The following GABRB3 variants were observed in gnomAD, a reference collection of about 807,000 sequenced individuals.
GABRB3 encodes the protein gamma-aminobutyric acid receptor subunit beta-3.
In GABRB3, 14 loss-of-function variants were observed where a neutral mutation model predicts 52.1. The observed-to-expected ratio is 0.27, with a 90% confidence interval of 0.18 to 0.42. The LOEUF is 0.42. Among genes scored for constraint, GABRB3 ranks in the 10% least tolerant of loss-of-function variants. The pLI is 1.00. For missense variants in GABRB3, 307 were observed against 609.1 expected (o/e 0.50, Z 5.22); for synonymous variants, 260 against 232.3 (o/e 1.12, Z -1.08).
intron 3 of GABRB3, among the ~76,000 whole-genome samples, chr15:26,740,451 C>G (rs1227623485): frequency 6.6e-6 from 1 of 152,016 alleles, no homozygotes; most frequent in African/African-American, 2.4e-5. Flanking sequence ...CAGTGAGGAC[C>G]TGGGGACTGG....
chr15:26,608,102 C>CAAAAAAAAAAAAAAA (rs60028329), intron 4 of GABRB3, among the ~76,000 whole-genome samples: 1 of 120,344 alleles, frequency 8.3e-6, no homozygotes. Context: ...ATGGTACTGG[C>CAAAAAAAAAAAAAAA]AAAAAAAAAA....
At chr15:26,633,314 C>G (rs1892958132) in intron 3 of GABRB3, among the ~76,000 whole-genome samples, 2 of 152,156 alleles carry the variant, frequency 1.3e-5, no homozygotes, top group South Asian at 4.1e-4. Context: ...GAAACCACCA[C>G]CAGCCATCCT....
At chr15:26,734,072 CAG>C (rs1890003720) in intron 3 of GABRB3, among the ~76,000 whole-genome samples, 2 of 138,138 alleles carry the variant, frequency 1.4e-5, no homozygotes, top group South Asian at 4.7e-4. Flanking sequence ...TCTTGTTGCC[CAG>C]GCTGGAGTGC....
intron 3 of GABRB3, among the ~76,000 whole-genome samples, chr15:26,740,513 C>T (rs193045306): frequency 1.2e-4 from 18 of 152,074 alleles, no homozygotes; most frequent in Non-Finnish European, 2.5e-4. Context: ...ATCTGAGGTC[C>T]ACTGCAGCCC....
At position 26,547,940 on chromosome 15, in the gene GABRB3, C is replaced by T; in HGVS notation, c.1275G>A (p.Lys425=). The part of the protein sequence containing the change: ...FLGDRSLPHK[K]THLRRRSSQL... The stretch of plus-strand genomic sequence containing the variant: ...GTGAAGACCTCCTCCGTAGATGGGT[C>T]TTCTTGTGCGGGAGGCTTCTGTCCC... The change falls in exon 9 of 9, where the codon AAG becomes AAA. Residue 425 remains lysine, a synonymous_variant. Transcript: ENST00000311550. The T allele has an allele frequency of 1.9e-6, 3 of 1,614,192 alleles. No homozygotes were observed. The highest frequency in any genetic ancestry group is 2.5e-6 in the Non-Finnish European group (3 of 1,180,036).
At chr15:26,682,535 A>G (rs1888271662) in intron 3 of GABRB3, among the ~76,000 whole-genome samples, 2 of 152,202 alleles carry the variant, frequency 1.3e-5, no homozygotes, top group Admixed American at 6.5e-5. Context: ...CATCAACACA[A>G]TGTTATAGAA....
At chr15:26,556,636 T>C (rs923903508) in intron 8 of GABRB3, among the ~76,000 whole-genome samples, 1 of 152,198 alleles carries the variant, frequency 6.6e-6, no homozygotes, top group Non-Finnish European at 1.5e-5. Flanking sequence ...AAGGCTTACA[T>C]GGTACCACTA....
chr15:26,554,127 G>GTGTA (rs1555400818), intron 8 of GABRB3, among the ~76,000 whole-genome samples: 1 of 22,580 alleles, frequency 4.4e-5, no homozygotes, highest in Non-Finnish European at 8.8e-5. Flanking sequence ...AAGTGTGTGT[G>GTGTA]TATATATATA....
rs2140536683 is a variant in GABRB3 at position 26,621,303 on chromosome 15, G to A, written c.461+11C>T. 6.2e-7 allele frequency: 1 copy of A among 1,611,350 alleles called. No homozygotes were observed. ...GCAACAGCAAAATTGGTCCTGAAGA[G>A]GCACACAGACCTGAGCCCATACAGC... On this transcript the variant is annotated intron_variant, in intron 4 of 8. Transcript: ENST00000311550. This position sits in a 1 kb window ranked among gnomAD's most constrained non-coding sequence, Gnocchi z 4.1.
At chr15:26,771,202 A>T (rs572841017) in intron 3 of GABRB3, among the ~76,000 whole-genome samples, 1 of 152,196 alleles carries the variant, frequency 6.6e-6, no homozygotes, top group African/African-American at 2.4e-5. Flanking sequence ...ATATATTCAT[A>T]TATCTGTGAC....
intron 3 of GABRB3, among the ~76,000 whole-genome samples, chr15:26,728,632 G>A (rs905641572): frequency 9.2e-5 from 14 of 152,176 alleles, no homozygotes; most frequent in Admixed American, 2.6e-4. Context: ...TACACTTAAA[G>A]TGCCTTTTCA....
At chr15:26,740,770 G>A (rs1200899380) in intron 3 of GABRB3, among the ~76,000 whole-genome samples, 3 of 152,126 alleles carry the variant, frequency 2.0e-5, no homozygotes, top group Non-Finnish European at 2.9e-5. Flanking sequence ...GTGGCCCCAC[G>A]TTGTCCAGGA....
intron 3 of GABRB3, among the ~76,000 whole-genome samples, chr15:26,707,156 G>T (rs1309453890): frequency 1.3e-5 from 2 of 152,196 alleles, no homozygotes; most frequent in Non-Finnish European, 2.9e-5. Context: ...ATCTTTGGAG[G>T]CTAGAAAGGC....
At chr15:26,636,820 C>T (rs1335050242) in intron 3 of GABRB3, among the ~76,000 whole-genome samples, 1 of 152,178 alleles carries the variant, frequency 6.6e-6, no homozygotes, top group Non-Finnish European at 1.5e-5. Context: ...TCACATTCTT[C>T]ATCAATCTGT....
At chr15:26,720,117 C>T (rs1425624662) in intron 3 of GABRB3, among the ~76,000 whole-genome samples, 1 of 151,596 alleles carries the variant, frequency 6.6e-6, no homozygotes, top group African/African-American at 2.4e-5. Context: ...TCAAAAAGCT[C>T]CCCCACTGAG....
chr15:26,548,717 G>T lies in GABRB3; in HGVS notation c.1081-583C>A, dbSNP rs192072672. Among the ~76,000 whole-genome samples the T allele has an allele frequency of 4.9e-4, 75 of 152,242 alleles. 1 individual carries two copies. The Middle Eastern group carries it at 0.014, about 28-fold the overall frequency. ...CTGGCAGGAGACTTCTTTTTGAAGG[G>T]CTATATATAAAATAGACGAAATTCC... On this transcript the variant is annotated intron_variant, in intron 8 of 8. Coordinates refer to ENST00000311550, the MANE Select transcript of GABRB3 (RefSeq NM_000814.6).
chr15:26,628,836 G>A (rs1396224448), intron 3 of GABRB3: 2 of 854,304 alleles, frequency 2.3e-6, no homozygotes, highest in Admixed American at 2.2e-5. Flanking sequence ...GACGAAAGGG[G>A]GCCAGCAGAG....
At chr15:26,709,385 G>A (rs1889211822) in intron 3 of GABRB3, among the ~76,000 whole-genome samples, 1 of 152,036 alleles carries the variant, frequency 6.6e-6, no homozygotes, top group South Asian at 2.1e-4. Context: ...CATAGGACAT[G>A]CTGACCCTCC....
At chr15:26,702,855 C>T (rs1888980151) in intron 3 of GABRB3, among the ~76,000 whole-genome samples, 2 of 152,180 alleles carry the variant, frequency 1.3e-5, no homozygotes, top group African/African-American at 4.8e-5. Flanking sequence ...TAACAAAATA[C>T]CATAAATACC....
Sources: gnomAD v4.1 joint callset for allele counts (sites outside exome capture counted in the v4.1 genomes callset) on GRCh38, gnomAD v4.1.1 for gene constraint, Gnocchi (gnomAD v3.1) non-coding constraint, MANE v1.5 for transcripts, NCBI Gene and HGNC (gene_info 2026-07-23, HGNC 2026-07-21) for gene names.